Variants in SPECC1 observed in about 807,000 individuals in gnomAD.
SPECC1 encodes the protein sperm antigen with calponin homology and coiled-coil domains 1.
Under a neutral mutation model 104.1 loss-of-function variants are expected in SPECC1, and 62 were observed. The observed-to-expected ratio is 0.60, with a 90% CI of 0.49 to 0.74. The LOEUF is 0.74. Ranked by LOEUF, SPECC1 falls within the 30% of genes least tolerant of loss-of-function variation. SPECC1 has a pLI of 0.00. For synonymous variants in SPECC1, 513 were observed against 501.6 expected (o/e 1.02, Z -0.30); for missense variants, 1,306 against 1,310.5 (o/e 1.00, Z 0.05).
chr17:20,233,943 A>G (rs572515381), intron 7 of SPECC1, among the ~76,000 whole-genome samples: 2 of 152,284 alleles, frequency 1.3e-5, no homozygotes, highest in African/African-American at 2.4e-5. Context: ...CTGAGTTTCT[A>G]TGGTGGCCCT....
At chr17:20,286,808 G>T (rs2040963077) in intron 12 of SPECC1, among the ~76,000 whole-genome samples, 1 of 152,192 alleles carries the variant, frequency 6.6e-6, no homozygotes, top group Non-Finnish European at 1.5e-5. Flanking sequence ...GCTGCCCAGG[G>T]CTGGATGCTT....
At chr17:20,245,095 A>G (rs16964352) in intron 7 of SPECC1, among the ~76,000 whole-genome samples, 17,801 of 152,242 alleles carry the variant, frequency 0.12, 1,079 homozygotes, top group Non-Finnish European at 0.13. Flanking sequence ...TTATGCTTAG[A>G]AGTCAGAGTG....
chr17:20,302,772 G>A (rs1421642305), intron 13 of SPECC1, among the ~76,000 whole-genome samples: 2 of 131,338 alleles, frequency 1.5e-5, no homozygotes, highest in Admixed American at 7.5e-5. Flanking sequence ...AAAACACAGC[G>A]GTGCCAGGCG....
intron 12 of SPECC1, among the ~76,000 whole-genome samples, chr17:20,283,290 G>A (rs2040836766): frequency 6.6e-6 from 1 of 152,232 alleles, no homozygotes; most frequent in African/African-American, 2.4e-5. Flanking sequence ...ACAAAAGGTA[G>A]CTTTCCGCTG....
chr17:20,232,990 T>C (rs1412329378), intron 7 of SPECC1, among the ~76,000 whole-genome samples: 2 of 152,228 alleles, frequency 1.3e-5, no homozygotes, highest in East Asian at 1.9e-4. Flanking sequence ...AAGCACACAG[T>C]GTATCAGCCC....
At position 20,307,826 on chromosome 17, in the gene SPECC1, A is replaced by G. The variant is rs1056885291; in HGVS notation, c.3117+1744A>G. 3.7e-4 allele frequency among the ~76,000 whole-genome samples: 56 copies of G among 152,240 alleles called. 1 individual carries two copies. The highest frequency in any genetic ancestry group is 5.9e-5 in the Non-Finnish European group (4 of 68,048). On this transcript the variant is annotated intron_variant, in intron 14 of 14. Coordinates refer to ENST00000395527, the MANE Select transcript of SPECC1 (RefSeq NM_001243439.2). ...TCCAGAATGATGAAAGGATAATGAA[A>G]GAGTCCACAGATTCTTTATTTATCT...
At chr17:20,020,796 C>T (rs2044345269) in intron 1 of SPECC1, among the ~76,000 whole-genome samples, 2 of 152,170 alleles carry the variant, frequency 1.3e-5, no homozygotes, top group African/African-American at 4.8e-5. Flanking sequence ...CTCTCATTCT[C>T]TTCTCCCTAT....
rs148967981 is a variant in SPECC1, at chr17:20,295,424, G to A, written c.2941-1537G>A. On this transcript the variant is annotated intron_variant, in intron 12 of 14. Coordinates refer to ENST00000395527, the MANE Select transcript of SPECC1 (RefSeq NM_001243439.2). Reference sequence around the variant, plus strand: ...TTTCTTAATCCAGTCTATCATTGATGGACATTTGGGTTGGTTCCAGGTCTT... The same window carrying A: ...TTTCTTAATCCAGTCTATCATTGATAGACATTTGGGTTGGTTCCAGGTCTT... Among the ~76,000 whole-genome samples the A allele has an allele frequency of 4.3e-3, 654 of 152,200 alleles. 4 individuals are homozygous for A. The highest frequency in any genetic ancestry group is 0.014 in the African/African-American group (588 of 41,518).
intron 2 of SPECC1, among the ~76,000 whole-genome samples, chr17:20,108,142 T>C (rs1265514900): frequency 6.6e-6 from 1 of 152,122 alleles, no homozygotes; most frequent in Non-Finnish European, 1.5e-5. Flanking sequence ...ATGGTGAATG[T>C]ATTTAATACC....
At chr17:20,033,771 T>C (rs2044929806) in intron 1 of SPECC1, among the ~76,000 whole-genome samples, 1 of 152,216 alleles carries the variant, frequency 6.6e-6, no homozygotes, top group East Asian at 1.9e-4. Context: ...CCACCTCCAG[T>C]ACTGGGGAAC....
chr17:20,213,690 G>A (rs1235221137), intron 4 of SPECC1, among the ~76,000 whole-genome samples: 2 of 152,124 alleles, frequency 1.3e-5, no homozygotes, highest in African/African-American at 2.4e-5. Context: ...TGTATGGGGT[G>A]GGGACTCTGG....
chr17:20,204,722 A>G lies in SPECC1; in HGVS notation c.673A>G (p.Met225Val), dbSNP rs773531569. ...AGTCTCCCCAGGTGACACGGAACCT[A>G]TGATAAGAGCTCTTGAGGAGAAGAA... ...TSVSPGDTEPMIRALEEKNKN... is the reference protein window; with the variant it reads ...TSVSPGDTEPVIRALEEKNKN... The change falls in exon 4 of 15, where the codon ATG becomes GTG. Residue 225 changes from methionine (M) to valine (V), a missense_variant. Met to Val is a conservative substitution (Grantham distance 21). Around this residue, in one of 2 missense-constraint regions of SPECC1, gnomAD observed 1,177 missense variants for 1,139.9 expected, o/e 1.03. Coordinates refer to ENST00000395527, the MANE Select transcript of SPECC1 (RefSeq NM_001243439.2). 6 of 1,613,970 alleles carry G rather than the reference A, an allele frequency of 3.7e-6. No homozygotes were observed. The East Asian group carries it at 1.1e-4, about 30-fold the overall frequency.
At chr17:20,255,250 G>A (rs987158195) in intron 10 of SPECC1, among the ~76,000 whole-genome samples, 1 of 152,176 alleles carries the variant, frequency 6.6e-6, no homozygotes, top group Non-Finnish European at 1.5e-5. Flanking sequence ...TGGAGGTAGA[G>A]AAATGAGAGA....
At chr17:20,200,690 T>C (rs925432222) in intron 3 of SPECC1, among the ~76,000 whole-genome samples, 2 of 152,218 alleles carry the variant, frequency 1.3e-5, no homozygotes, top group African/African-American at 4.8e-5. Flanking sequence ...TGCTCTTTAC[T>C]TTTCCCTGTC....
intron 12 of SPECC1, among the ~76,000 whole-genome samples, chr17:20,287,974 G>T (rs563494414): frequency 6.7e-6 from 1 of 149,010 alleles, no homozygotes; most frequent in South Asian, 2.1e-4. Context: ...ATAGGCCTTA[G>T]TGTATGTTGT....
chr17:20,074,562 C>T (rs983690584), intron 1 of SPECC1, among the ~76,000 whole-genome samples: 2 of 152,198 alleles, frequency 1.3e-5, no homozygotes, highest in Non-Finnish European at 2.9e-5. Context: ...AAGGTCCACA[C>T]TAAGTTTTCT....
chr17:20,071,188 A>G (rs149243818), intron 1 of SPECC1, among the ~76,000 whole-genome samples: 221 of 152,214 alleles, frequency 1.5e-3, no homozygotes, highest in African/African-American at 4.0e-3. Context: ...CACACCAACT[A>G]CTGTGCTCAG....
chr17:20,220,423 T>C (rs2037800557), intron 4 of SPECC1, among the ~76,000 whole-genome samples: 1 of 152,156 alleles, frequency 6.6e-6, no homozygotes, highest in South Asian at 2.1e-4. Context: ...TTTATTCTAC[T>C]CACAGCTACT....
rs571754519 is a variant in SPECC1, at chr17:20,275,587, C to T, written c.2940+15293C>T. On this transcript the variant is annotated intron_variant, in intron 12 of 14. Transcript: ENST00000395527. Reference sequence around the variant, plus strand: ...TGTTGTTGGGTAGAAGTTGGGAAACCTTTCATTTAAGCTTCAGACAATTTT... The same window carrying T: ...TGTTGTTGGGTAGAAGTTGGGAAACTTTTCATTTAAGCTTCAGACAATTTT... 3.3e-4 allele frequency among the ~76,000 whole-genome samples: 50 copies of T among 152,290 alleles called. 1 individual carries two copies. The South Asian group carries it at 9.9e-3, about 30-fold the overall frequency.
Sources: allele counts gnomAD v4.1 joint callset (sites outside exome capture counted in the v4.1 genomes callset), GRCh38; gene constraint gnomAD v4.1.1; regional missense constraint gnomAD v4.1.1; transcripts MANE v1.5; gene names NCBI Gene and HGNC (gene_info 2026-07-23, HGNC 2026-07-21).